Variants in PPP2R2C observed in about 807,000 individuals in gnomAD.
PPP2R2C encodes protein phosphatase 2, regulatory subunit B, gamma.
In PPP2R2C, 10 loss-of-function variants were observed where a neutral mutation model predicts 45.3. The ratio of observed to expected loss-of-function variants is 0.22; its 90% CI spans 0.14 to 0.37. The LOEUF (loss-of-function observed/expected upper bound fraction) is 0.37. Ranked by LOEUF, PPP2R2C falls within the 10% of genes least tolerant of loss-of-function variation. The pLI, the probability that PPP2R2C is intolerant of heterozygous loss-of-function variation, is 1.00. For missense variants in PPP2R2C, 308 were observed against 619.7 expected, an observed-to-expected ratio of 0.50 and a Z score of 5.34; for synonymous variants, 257 against 245.4, an observed-to-expected ratio of 1.05 and a Z score of -0.44.
chr4:6,484,139 T>G (rs1722456501), intron 2 of PPP2R2C, among the ~76,000 whole-genome samples: 1 of 152,044 alleles, frequency 6.6e-6, no homozygotes, highest in African/African-American at 2.4e-5. Context: ...TATATTGAGA[T>G]CTATGATCCA....
intron 1 of PPP2R2C, among the ~76,000 whole-genome samples, chr4:6,454,568 C>T (rs1369500383): frequency 6.6e-6 from 1 of 152,196 alleles, no homozygotes; most frequent in East Asian, 1.9e-4. Flanking sequence ...GATCAGTCCA[C>T]CCACCAGCTT....
Position 6,406,528 on chromosome 4 carries a change from G to A in PPP2R2C, c.71-25434C>T, listed in dbSNP as rs573041784. Among the ~76,000 whole-genome samples the A allele has an allele frequency of 5.3e-5, 8 of 152,170 alleles. No individual in the cohort carries two copies. The South Asian group carries it at 1.0e-3, about 20-fold the overall frequency. ...GTAGATCGCTTGAGCCCAGGAGTTC[G>A]AGACCAGCCTGGGCAACATTTTATC... On this transcript the variant is annotated intron_variant, in intron 1 of 8. Coordinates refer to ENST00000382599, the MANE Select transcript of PPP2R2C (RefSeq NM_020416.4).
intron 2 of PPP2R2C, among the ~76,000 whole-genome samples, chr4:6,484,079 A>C (rs958971712): frequency 6.6e-6 from 1 of 152,054 alleles, no homozygotes; most frequent in African/African-American, 2.4e-5. Flanking sequence ...CTGGTCCTTT[A>C]AGAAAAAATT....
At chr4:6,401,446 CCGAG>C (rs1317899415) in intron 1 of PPP2R2C, among the ~76,000 whole-genome samples, 3 of 152,066 alleles carry the variant, frequency 2.0e-5, no homozygotes, top group African/African-American at 7.2e-5. Flanking sequence ...ATGGCAACAT[CCGAG>C]ATGCTAAAGT....
intron 2 of PPP2R2C, among the ~76,000 whole-genome samples, chr4:6,534,677 C>T (rs1395836142): frequency 6.6e-6 from 1 of 152,066 alleles, no homozygotes; most frequent in East Asian, 1.9e-4. Context: ...CAACACACAC[C>T]CCCCAACACG....
chr4:6,553,189 C>T (rs1725240919), intron 1 of PPP2R2C, among the ~76,000 whole-genome samples: 1 of 152,210 alleles, frequency 6.6e-6, no homozygotes, highest in Admixed American at 6.5e-5. Flanking sequence ...GATTGCAGCG[C>T]CACCGCAGGG....
chr4:6,457,514 G>A (rs1721108095), intron 1 of PPP2R2C, among the ~76,000 whole-genome samples: 1 of 151,952 alleles, frequency 6.6e-6, no homozygotes, highest in African/African-American at 2.4e-5. Flanking sequence ...TGGGACTGCA[G>A]GTACATGCCA....
intron 2 of PPP2R2C, among the ~76,000 whole-genome samples, chr4:6,501,554 C>G (rs1016642705): frequency 6.6e-6 from 1 of 152,172 alleles, no homozygotes; most frequent in South Asian, 2.1e-4. Flanking sequence ...CACATTAGCA[C>G]CATTAATCCT....
intron 1 of PPP2R2C, among the ~76,000 whole-genome samples, chr4:6,422,430 T>C (rs1414785696): frequency 1.3e-5 from 2 of 152,240 alleles, no homozygotes; most frequent in Non-Finnish European, 2.9e-5. Context: ...GGAAATACTT[T>C]GCTGCTAGAG....
At chr4:6,519,469 C>T (rs1185989405) in intron 2 of PPP2R2C, among the ~76,000 whole-genome samples, 1 of 152,196 alleles carries the variant, frequency 6.6e-6, no homozygotes, top group African/African-American at 2.4e-5. Context: ...TCCCCAGCCC[C>T]AGCTCCCGTC....
At chr4:6,436,670 C>CT (rs1719912688) in intron 1 of PPP2R2C, among the ~76,000 whole-genome samples, 1 of 152,224 alleles carries the variant, frequency 6.6e-6, no homozygotes. Flanking sequence ...GGTCAGCAAC[C>CT]TTTTTCCATA....
intron 1 of PPP2R2C, among the ~76,000 whole-genome samples, chr4:6,461,594 C>T (rs1721323321): frequency 6.6e-6 from 1 of 152,168 alleles, no homozygotes; most frequent in Non-Finnish European, 1.5e-5. Flanking sequence ...GTCTGGAGCC[C>T]CGCATCACTC....
chr4:6,349,966 G>T (rs1321316379), intron 5 of PPP2R2C: 1 of 985,350 alleles, frequency 1.0e-6, no homozygotes, highest in Non-Finnish European at 1.2e-6. Context: ...AAAAATGGCT[G>T]ATCTGTGCAG....
chr4:6,349,908 G>A (rs1712384494), intron 5 of PPP2R2C: 1 of 985,152 alleles, frequency 1.0e-6, no homozygotes. Context: ...CAAGCAAGCA[G>A]TATTTTCTGA....
chr4:6,523,254 T>C (rs889120643), intron 2 of PPP2R2C, among the ~76,000 whole-genome samples: 1 of 152,290 alleles, frequency 6.6e-6, no homozygotes, highest in South Asian at 2.1e-4. Context: ...AGCTCCCTTA[T>C]GTTTGAAAGA....
At chr4:6,472,136 G>T (rs1422931376) in intron 1 of PPP2R2C, 24 bp downstream of exon 1, 1 of 1,613,292 alleles carries the variant, frequency 6.2e-7, no homozygotes, top group African/African-American at 1.3e-5. Context: ...CGGCCGGAGG[G>T]GTCTCAGACA....
At chr4:6,472,626 GGCC>G (rs987279249), upstream of PPP2R2C, among the ~76,000 whole-genome samples, 1 of 147,002 alleles carries the variant, frequency 6.8e-6, no homozygotes, top group Non-Finnish European at 1.5e-5. Context: ...CGCGGGCTGG[GGCC>G]GCCGCCGCCG....
intron 1 of PPP2R2C, among the ~76,000 whole-genome samples, chr4:6,385,296 AG>A (rs1282274016): frequency 6.6e-6 from 1 of 152,188 alleles, no homozygotes; most frequent in Admixed American, 6.5e-5. Flanking sequence ...TGAAGGAGCT[AG>A]TGGATGTTTA....
At chr4:6,327,596 C>G (rs985827951) in intron 8 of PPP2R2C, among the ~76,000 whole-genome samples, 3 of 152,220 alleles carry the variant, frequency 2.0e-5, no homozygotes, top group Admixed American at 6.5e-5. Flanking sequence ...CCTCTTGGGA[C>G]CCACTGCACC....
Sources: gnomAD v4.1 joint callset for allele counts (sites outside exome capture counted in the v4.1 genomes callset) on GRCh38, gnomAD v4.1.1 for gene constraint, MANE v1.5 for transcripts, NCBI Gene and HGNC (gene_info 2026-07-23, HGNC 2026-07-21) for gene names.